ATRX: variants seen among roughly 807,000 people sequenced by gnomAD.
ATRX encodes the protein chromatin remodeler ATRX.
ATRX carries 12 observed loss-of-function variants against 172.6 expected under a neutral mutation model. The ratio of observed to expected loss-of-function variants is 0.07; its 90% CI spans 0.04 to 0.11. ATRX has a LOEUF of 0.11. Ranked by LOEUF, ATRX falls within the 10% of genes least tolerant of loss-of-function variation. ATRX has a pLI of 1.00. For missense variants in ATRX, 1,368 were observed against 1,767.4 expected (o/e 0.77, Z 4.05); for synonymous variants, 674 against 594.7 (o/e 1.13, Z -1.94).
At chrX:77,578,441 C>T (rs2065706038) in intron 27 of ATRX, among the ~76,000 whole-genome samples, 1 of 112,288 alleles carries the variant, frequency 8.9e-6, no homozygotes, top group Admixed American at 9.4e-5. Flanking sequence ...AGAGAAAAAG[C>T]ACTTTGTTTT....
At chrX:77,684,784 A>G (rs1280626521) in intron 8 of ATRX, among the ~76,000 whole-genome samples, 155 bp downstream of exon 8, 1 of 112,181 alleles carries the variant, frequency 8.9e-6, no homozygotes, top group African/African-American at 3.2e-5. Flanking sequence ...TTAGAAACTT[A>G]AACTAGACAT....
In ATRX at chrX:77,600,540, C is replaced by T. The variant is rs151220806; in HGVS notation, c.5591G>A (p.Gly1864Glu). 8.3e-7 allele frequency: 1 copy of T among 1,210,816 alleles called. No homozygotes were observed. The highest frequency in any genetic ancestry group is 1.1e-6 in the Non-Finnish European group (1 of 894,810). The change falls in exon 23 of 35, where the codon GGA becomes GAA. Residue 1864 changes from glycine (G) to glutamate (E), a missense_variant. Transcript: ENST00000373344. ...AAGCTTTGCACCTGCCTTTCCTCTT[C>T]CACCTTCACTATTATTGCCCACACC... ...LTGVGNNSEGGRGKAGAKLFQ... is the reference protein window; with the variant it reads ...LTGVGNNSEGERGKAGAKLFQ...
chrX:77,661,295 T>C (rs1231467201), intron 12 of ATRX, among the ~76,000 whole-genome samples: 1 of 111,564 alleles, frequency 9.0e-6, no homozygotes, highest in East Asian at 2.8e-4. Flanking sequence ...CTAAATTGTA[T>C]ACTGTAAATG....
intron 1 of ATRX, among the ~76,000 whole-genome samples, chrX:77,774,304 A>C (rs1449942227): frequency 8.9e-6 from 1 of 111,817 alleles, no homozygotes; most frequent in African/African-American, 3.2e-5. Flanking sequence ...TAGATCAGAA[A>C]ACAAGAACTT....
At chrX:77,660,111 A>G (rs1375174672) in intron 12 of ATRX, among the ~76,000 whole-genome samples, 2 of 112,034 alleles carry the variant, frequency 1.8e-5, no homozygotes, top group Non-Finnish European at 3.8e-5. Flanking sequence ...GTAATCATAT[A>G]TATTAAAAGG....
intron 12 of ATRX, among the ~76,000 whole-genome samples, chrX:77,657,924 G>T (rs1360711609): frequency 8.9e-6 from 1 of 112,066 alleles, no homozygotes; most frequent in Non-Finnish European, 1.9e-5. Context: ...AAGACATATT[G>T]ACGGCTGGGC....
At chrX:77,754,161 C>G (rs782134083) in intron 1 of ATRX, among the ~76,000 whole-genome samples, 1 of 111,027 alleles carries the variant, frequency 9.0e-6, no homozygotes, top group African/African-American at 3.3e-5. Context: ...TTACAACACC[C>G]CTTTTTTTTT....
chrX:77,633,428 CAT>C (rs782152870), intron 18 of ATRX, 44 bp from the exon 19 acceptor site: 6 of 1,162,951 alleles, frequency 5.2e-6, no homozygotes, highest in South Asian at 1.9e-5. Context: ...CTACTAAAAA[CAT>C]GTGAATATTA....
At chrX:77,635,232 C>T (rs187760024) in intron 16 of ATRX, among the ~76,000 whole-genome samples, 1 of 111,539 alleles carries the variant, frequency 9.0e-6, no homozygotes, top group East Asian at 2.8e-4. Flanking sequence ...TTGCAGTGAG[C>T]TGTTATAGCA....
intron 1 of ATRX, among the ~76,000 whole-genome samples, chrX:77,773,092 T>TAAAAA (rs782649057): frequency 5.7e-3 from 212 of 37,244 alleles, no homozygotes; most frequent in East Asian, 6.5e-3. Context: ...AAATTTCAGC[T>TAAAAA]AAAAAAAAAA....
At chrX:77,548,579 T>A (rs1385370946) in intron 30 of ATRX, among the ~76,000 whole-genome samples, 1 of 112,186 alleles carries the variant, frequency 8.9e-6, no homozygotes, top group East Asian at 2.8e-4. Flanking sequence ...AATGTGTTAT[T>A]TTGAACCTTT....
At chrX:77,725,238 T>C (rs1422342073) in intron 1 of ATRX, among the ~76,000 whole-genome samples, 1 of 111,780 alleles carries the variant, frequency 8.9e-6, no homozygotes, top group East Asian at 2.8e-4. Flanking sequence ...AAGGCTACAG[T>C]AACCAAAACA....
chrX:77,521,537 G>C, intron 32 of ATRX, 39 bp from the exon 33 acceptor site: 1 of 1,033,634 alleles, frequency 9.7e-7, no homozygotes, highest in Non-Finnish European at 1.4e-6. Flanking sequence ...AAGGCAGAAA[G>C]ACAGCATAGT....
intron 30 of ATRX, among the ~76,000 whole-genome samples, chrX:77,544,678 T>C (rs1243129904): frequency 9.2e-6 from 1 of 109,155 alleles, no homozygotes; most frequent in African/African-American, 3.3e-5. Context: ...TCTGGTTTTT[T>C]GTTCTTGCGA....
At chrX:77,743,327 GCACTCATCCCTCAC>G (rs1442770353) in intron 1 of ATRX, among the ~76,000 whole-genome samples, 43 of 110,983 alleles carry the variant, frequency 3.9e-4, no homozygotes, top group African/African-American at 1.3e-3. Context: ...CTCAGCAGTG[GCACTCATCCCTCAC>G]CCAAGCATTT....
At chrX:77,719,547 A>G (rs1386037599) in intron 1 of ATRX, among the ~76,000 whole-genome samples, 1 of 111,902 alleles carries the variant, frequency 8.9e-6, no homozygotes, top group Non-Finnish European at 1.9e-5. Flanking sequence ...GTCTCTGATA[A>G]AACAGACTTT....
intron 1 of ATRX, among the ~76,000 whole-genome samples, chrX:77,758,422 T>C (rs1402708184): frequency 9.9e-6 from 1 of 100,699 alleles, no homozygotes; most frequent in African/African-American, 3.7e-5. Flanking sequence ...AAGTGCAAAA[T>C]AGAAGTTACC....
intron 1 of ATRX, among the ~76,000 whole-genome samples, chrX:77,761,737 A>G (rs181474249): frequency 9.0e-6 from 1 of 111,322 alleles, no homozygotes; most frequent in African/African-American, 3.3e-5. Flanking sequence ...TTCATGCTGT[A>G]CATTAGATCT....
chrX:77,664,633 T>A lies in ATRX; in HGVS notation c.3943+12A>T, dbSNP rs1481111704. ...AATTATGACATTATAAACTTCTCTC[T>A]GGGGAGCTCACCCTCATCTCCTGGG... On this transcript the variant is annotated intron_variant, in intron 11 of 34. Transcript: ENST00000373344. 8.3e-7 allele frequency: 1 copy of A among 1,208,733 alleles called. No homozygotes were observed. Among genetic ancestry groups the A allele is most frequent in the African/African-American group, 1.7e-5 (1 of 57,163 alleles).
Sources: allele counts gnomAD v4.1 joint callset (sites outside exome capture counted in the v4.1 genomes callset), GRCh38; gene constraint gnomAD v4.1.1; transcripts MANE v1.5; gene names NCBI Gene and HGNC (gene_info 2026-07-23, HGNC 2026-07-21).